The following UCHL1 variants were observed in gnomAD, a reference collection of about 807,000 sequenced individuals.
UCHL1 encodes the protein ubiquitin C-terminal hydrolase L1, also known as ubiquitin carboxyl-terminal hydrolase isozyme L1.
A neutral mutation model predicts 33.3 loss-of-function variants in UCHL1; 5 were observed. The observed-to-expected ratio is 0.15, with a 90% CI of 0.08 to 0.32. UCHL1 has a LOEUF of 0.32. UCHL1 is among the 10% of genes least tolerant of loss of function. The pLI is 1.00. For synonymous variants in UCHL1, 132 were observed against 108.8 expected, an observed-to-expected ratio of 1.21 and a Z score of -1.33; for missense variants, 236 against 280.0, an observed-to-expected ratio of 0.84 and a Z score of 1.12.
intron 2 of UCHL1, 157 bp downstream of exon 2, chr4:41,257,283 T>C: frequency 8.2e-7 from 1 of 1,222,248 alleles, no homozygotes; most frequent in Non-Finnish European, 1.1e-6. Flanking sequence ...CCTGGGCCCC[T>C]GCATTTAGCG....
intron 8 of UCHL1, among the ~76,000 whole-genome samples, chr4:41,266,649 C>G (rs1339504776): frequency 6.6e-6 from 1 of 152,140 alleles, no homozygotes; most frequent in Non-Finnish European, 1.5e-5. Context: ...GAGAAAGGGT[C>G]TCGCTGTGTC....
At chr4:41,257,433 C>T (rs1580922737) in intron 2 of UCHL1, 176 bp from the exon 3 acceptor site, 1 of 1,002,630 alleles carries the variant, frequency 1.0e-6, no homozygotes, top group Non-Finnish European at 1.4e-6. Context: ...ACGTGTGGGC[C>T]GCGCTTTGTG....
intron 8 of UCHL1, among the ~76,000 whole-genome samples, chr4:41,266,228 T>G (rs998187): frequency 0.21 from 20,785 of 97,166 alleles, 1,758 homozygotes; most frequent in Non-Finnish European, 0.29. Flanking sequence ...GGCTAAAACT[T>G]TTTTTTTTTT....
chr4:41,257,840 T>G (rs936191539), intron 3 of UCHL1, 103 bp downstream of exon 3: 2 of 1,449,194 alleles, frequency 1.4e-6, no homozygotes, highest in African/African-American at 2.9e-5. Flanking sequence ...CTGTAGGTGA[T>G]GCGGGGCGCG....
intron 8 of UCHL1, 139 bp from the exon 9 acceptor site, chr4:41,267,848 C>T (rs1486242966): frequency 2.5e-6 from 2 of 787,746 alleles, no homozygotes; most frequent in South Asian, 3.0e-5. Context: ...TTGCTTTAAG[C>T]CCTGGTTTTC....
intron 2 of UCHL1, 62 bp from the exon 3 acceptor site, chr4:41,257,547 C>T (rs930709004): frequency 4.2e-6 from 6 of 1,438,394 alleles, no homozygotes; most frequent in African/African-American, 1.5e-5. Flanking sequence ...GCCCCGCCCC[C>T]TGGCAGGTGC....
At position 41,257,709 on chromosome 4, in the gene UCHL1, T is replaced by C; in HGVS notation, c.146T>C (p.Leu49Pro). 6.3e-7 allele frequency: 1 copy of C among 1,579,168 alleles called. No individual in the cohort carries two copies. The highest frequency in any genetic ancestry group is 8.6e-7 in the Non-Finnish European group (1 of 1,166,282). Residue 49 changes from leucine (L) to proline (P), a missense_variant, in exon 3 of 9, where the codon CTG (leucine) becomes CCG (proline). Coordinates refer to ENST00000284440, the MANE Select transcript of UCHL1 (RefSeq NM_004181.5). Reference protein sequence around the residue: ...LGSVPAPACALLLLFPLTAQH... With the variant: ...LGSVPAPACAPLLLFPLTAQH... ...TCGGTGCCAGCGCCTGCCTGCGCGC[T>C]GCTGCTGCTGTTTCCCCTCACGGCC... is the stretch of plus-strand genomic sequence containing the variant.
At position 41,256,998 on chromosome 4, in the gene UCHL1, A is replaced by C. The variant is rs769034726; in HGVS notation, c.22A>C (p.Ile8Leu). 37 of 1,614,174 alleles carry C rather than the reference A, an allele frequency of 2.3e-5. No homozygotes were observed. In the South Asian group the frequency reaches 2.6e-4, roughly 11 times the overall value. The change falls in exon 1 of 9, where the codon ATC becomes CTC. Residue 8 changes from isoleucine to leucine, a missense_variant. Coordinates refer to ENST00000284440, the MANE Select transcript of UCHL1 (RefSeq NM_004181.5). MQLKPME[I>L]NPEMLNKVLS... is the part of the protein sequence containing the mutation. ...GAAGATGCAGCTCAAGCCGATGGAG[A>C]TCAACCCCGAGGTGAGCGCCAGGTG...
chr4:41,265,594 AAAGTT>A (rs1374422698), intron 8 of UCHL1, among the ~76,000 whole-genome samples: 1 of 152,130 alleles, frequency 6.6e-6, no homozygotes, highest in Admixed American at 6.5e-5. Flanking sequence ...AAAAAAAAGA[AAAGTT>A]AGTCCGCATC....
intron 3 of UCHL1, 32 bp downstream of exon 3, chr4:41,257,769 C>T (rs764704167): frequency 1.3e-6 from 2 of 1,548,544 alleles, no homozygotes; most frequent in East Asian, 2.4e-5. Context: ...GCGCCGGCCG[C>T]CGGCAGTGCA....
intron 3 of UCHL1, among the ~76,000 whole-genome samples, chr4:41,258,470 C>A (rs1310581065): frequency 1.3e-5 from 2 of 152,036 alleles, no homozygotes; most frequent in East Asian, 3.9e-4. Context: ...TACAAGTGTG[C>A]ATGGATAGAT....
chr4:41,263,803 C>G (rs1186591396), intron 7 of UCHL1, among the ~76,000 whole-genome samples: 1 of 152,218 alleles, frequency 6.6e-6, no homozygotes, highest in Non-Finnish European at 1.5e-5. Context: ...CTTCCCTATC[C>G]CCAGAGACTG....
chr4:41,264,323 AT>A, intron 8 of UCHL1, 162 bp downstream of exon 8: 1 of 862,494 alleles, frequency 1.2e-6, no homozygotes, highest in Non-Finnish European at 1.9e-6. Flanking sequence ...TATCTACCTT[AT>A]TTTATTGCAA....
At chr4:41,264,398 A>G in intron 8 of UCHL1, 1 of 578,162 alleles carries the variant, frequency 1.7e-6, no homozygotes, top group East Asian at 3.1e-5. Context: ...TCTTTAGTCC[A>G]CAGTTAGAAT....
In UCHL1 at chr4:41,268,285, G is replaced by A; in HGVS notation, c.*212G>A. 4.9e-6 allele frequency: 3 copies of A among 608,016 alleles called. No individual in the cohort carries two copies. In the South Asian group the frequency reaches 5.8e-5, roughly 12 times the overall value. The allele number at this position is 608,016 out of a possible 1,614,324, so 37.7% of individuals were successfully genotyped here. A position where few individuals can be genotyped will look rare whatever the true frequency, so the allele number is the denominator to read the frequency against. Reference sequence around the variant, plus strand: ...GCCATTGTGGTGTGAGCTTCAGATGGTGAAGCATTCTCCCCAGTGTATGTC... The same window carrying A: ...GCCATTGTGGTGTGAGCTTCAGATGATGAAGCATTCTCCCCAGTGTATGTC... On this transcript the variant is annotated 3_prime_UTR_variant, in exon 9 of 9. Transcript: ENST00000284440.
intron 2 of UCHL1, 183 bp from the exon 3 acceptor site, chr4:41,257,426 T>G: frequency 3.1e-6 from 3 of 954,110 alleles, no homozygotes; most frequent in Non-Finnish European, 2.9e-6. Flanking sequence ...GGGCGCCACG[T>G]GTGGGCCGCG....
In UCHL1 at chr4:41,257,717, C is replaced by A; in HGVS notation, c.154C>A (p.Leu52Met). 6.3e-7 allele frequency: 1 copy of A among 1,580,884 alleles called. No individual in the cohort carries two copies. The highest frequency in any genetic ancestry group is 8.6e-7 in the Non-Finnish European group (1 of 1,167,194). ...VPAPACALLL[L>M]FPLTAQHENF... Reference sequence around the variant, plus strand: ...AGCGCCTGCCTGCGCGCTGCTGCTGCTGTTTCCCCTCACGGCCCAGGTAGG... The same window carrying A: ...AGCGCCTGCCTGCGCGCTGCTGCTGATGTTTCCCCTCACGGCCCAGGTAGG... Residue 52 changes from leucine (L) to methionine (M), a missense_variant, in exon 3 of 9, where the codon CTG becomes ATG. Transcript: ENST00000284440.
intron 3 of UCHL1, among the ~76,000 whole-genome samples, chr4:41,259,713 TA>T (rs1206560487): frequency 1.3e-5 from 2 of 152,216 alleles, no homozygotes; most frequent in Non-Finnish European, 2.9e-5. Context: ...AGTCCTAACT[TA>T]TTTATTATAT....
At position 41,261,863 on chromosome 4, in the gene UCHL1, C is replaced by T. The variant is rs1781073599; in HGVS notation, c.412-13C>T. 2.5e-6 allele frequency: 4 copies of T among 1,613,912 alleles called. No individual in the cohort carries two copies. The highest frequency in any genetic ancestry group is 1.1e-5 in the South Asian group (1 of 91,076). On this transcript the variant is annotated splice_polypyrimidine_tract_variant and intron_variant, in intron 5 of 8. Coordinates refer to ENST00000284440, the MANE Select transcript of UCHL1 (RefSeq NM_004181.5). ...TAGAGATTTTTGTGCTAATTATTTT[C>T]TTTTTTCCGCAGGCCATACAGGCAG...
Sources: gnomAD v4.1 joint callset for allele counts (sites outside exome capture counted in the v4.1 genomes callset) on GRCh38, gnomAD v4.1.1 for gene constraint, MANE v1.5 for transcripts, NCBI Gene and HGNC (gene_info 2026-07-23, HGNC 2026-07-21) for gene names.